The following MRM1 variants were observed in gnomAD, a reference collection of about 807,000 sequenced individuals.
MRM1 encodes mitochondrial rRNA methyltransferase 1.
In MRM1, 24 loss-of-function variants were observed where a neutral mutation model predicts 25.0. That is an observed-to-expected ratio of 0.96 (90% CI 0.69 to 1.35). The LOEUF is 1.35. Ranked by LOEUF, MRM1 falls within the 40% of genes most tolerant of loss-of-function variation. The probability of loss-of-function intolerance (pLI) is 0.00; values close to 1 mark genes in which losing one functional copy is unlikely to be tolerated. For synonymous variants in MRM1, 188 were observed against 199.2 expected (o/e 0.94, Z 0.47); for missense variants, 431 against 464.1 (o/e 0.93, Z 0.65).
chr17:36,628,935 G>A, the MRM1 span, among the ~76,000 whole-genome samples: 2 of 151,936 alleles, frequency 1.3e-5, no homozygotes, highest in African/African-American at 2.4e-5. Context: ...GAGAGAGAGA[G>A]GAGAGTGAGT....
At chr17:36,634,131 G>C in the MRM1 span, 20,208 of 152,160 alleles carry the variant, frequency 0.13, 1,547 homozygotes, top group East Asian at 0.39. Flanking sequence ...CATCCTCCAT[G>C]GAGAATCTTC....
chr17:36,620,895 G>A, the MRM1 span, among the ~76,000 whole-genome samples: 1 of 152,324 alleles, frequency 6.6e-6, no homozygotes, highest in South Asian at 2.1e-4. Flanking sequence ...AGACTAAGAT[G>A]TGCCTCCATC....
chr17:36,633,682 G>A, the MRM1 span, among the ~76,000 whole-genome samples: 1 of 152,126 alleles, frequency 6.6e-6, no homozygotes, highest in African/African-American at 2.4e-5. Context: ...GAGGGAGGAG[G>A]CGTAGGCAGC....
At chr17:36,605,153 A>AG (rs1555611916) in intron 2 of MRM1, among the ~76,000 whole-genome samples, 8 of 145,206 alleles carry the variant, frequency 5.5e-5, no homozygotes, top group East Asian at 2.0e-4. Context: ...AAAAAAAAAA[A>AG]AGAGAGAGAG....
At chr17:36,617,577 G>A in the MRM1 span, among the ~76,000 whole-genome samples, 2 of 152,024 alleles carry the variant, frequency 1.3e-5, no homozygotes, top group African/African-American at 2.4e-5. Flanking sequence ...TGTATTTTGA[G>A]TAGAGGCGGG....
rs143627095 is a variant in MRM1 at position 36,608,371 on chromosome 17, G to A, written c.1018G>A (p.Gly340Arg). 2.8e-4 allele frequency: 456 copies of A among 1,600,700 alleles called. 1 individual carries two copies. Among genetic ancestry groups the A allele is most frequent in the Non-Finnish European group, 3.6e-4 (425 of 1,173,862 alleles). ...SEGLSMAQHP[G>R]LSSGPEKERQ... is the part of the protein sequence containing the mutation. ...AGGGCTCAGCATGGCTCAGCACCCA[G>A]GGCTGTCTTCAGGCCCAGAGAAAGA... The change falls in exon 5 of 5, where the codon GGG becomes AGG. Residue 340 changes from glycine (G) to arginine (R), a missense_variant. Physicochemically the swap from Gly to Arg is moderately radical, Grantham distance 125 (BLOSUM62 -2). Transcript: ENST00000614766.
At position 36,601,688 on chromosome 17, in the gene MRM1, C is replaced by A; in HGVS notation, c.-123C>A. 2 of 1,063,754 alleles carry A rather than the reference C, an allele frequency of 1.9e-6. No homozygotes were observed. The highest frequency in any genetic ancestry group is 1.7e-5 in the South Asian group (1 of 57,956). 65.9% of individuals were successfully genotyped at this position (1,063,754 alleles called of 1,614,324 possible). ...CTGTTTGTTCCTGTCCGAGAGAGCT[C>A]GGCGGAGACGGCTGTCGAGTACCCT... On this transcript the variant is annotated 5_prime_UTR_variant, in exon 1 of 5. Transcript: ENST00000614766.
chr17:36,602,562 C>A lies in MRM1; in HGVS notation c.552C>A (p.Leu184=), dbSNP rs1250183906. 4 of 1,614,158 alleles carry A rather than the reference C, an allele frequency of 2.5e-6. No individual in the cohort carries two copies. Among genetic ancestry groups the A allele is most frequent in the Non-Finnish European group, 3.4e-6 (4 of 1,180,020 alleles). Residue 184 remains leucine, a synonymous_variant, in exon 2 of 5, where the codon CTC becomes CTA. Transcript: ENST00000614766. This position sits in a 1 kb window ranked among gnomAD's most constrained non-coding sequence, Gnocchi z 4.1. The stretch of plus-strand genomic sequence containing the variant: ...CGGGGAAACCTTGCAGCTGCCCGCT[C>A]ACTCCAGTAGTCAGCAAGTCCAGCG... The part of the protein sequence containing the change: ...VITSRRNSCP[L]TPVVSKSSAG...
At chr17:36,615,383 G>A in the MRM1 span, among the ~76,000 whole-genome samples, 1 of 152,110 alleles carries the variant, frequency 6.6e-6, no homozygotes, top group African/African-American at 2.4e-5. Context: ...ATGGGCTGGC[G>A]GGCGCGGTGG....
chr17:36,606,414 A>T (rs1164902447), intron 2 of MRM1, among the ~76,000 whole-genome samples: 3 of 140,554 alleles, frequency 2.1e-5, no homozygotes, highest in African/African-American at 5.3e-5. Flanking sequence ...CTGATGGATA[A>T]TTTTTTTTTT....
chr17:36,624,213 C>T, the MRM1 span, among the ~76,000 whole-genome samples: 2 of 152,174 alleles, frequency 1.3e-5, no homozygotes, highest in African/African-American at 4.8e-5. This position sits in a 1 kb window ranked among gnomAD's most constrained non-coding sequence, Gnocchi z 4.0. Context: ...GACCTGCTGC[C>T]CTTGTCACCC....
At chr17:36,623,968 C>T in the MRM1 span, among the ~76,000 whole-genome samples, 1 of 152,214 alleles carries the variant, frequency 6.6e-6, no homozygotes, top group Non-Finnish European at 1.5e-5. Flanking sequence ...TTCCGTCCCT[C>T]TCCCCTCCCA....
downstream of MRM1, among the ~76,000 whole-genome samples, chr17:36,612,505 A>T (rs768509902): frequency 6.6e-6 from 1 of 152,114 alleles, no homozygotes; most frequent in Non-Finnish European, 1.5e-5. Context: ...ACTGCTCAGC[A>T]AGTGTGGGTT....
chr17:36,619,844 C>A, the MRM1 span, among the ~76,000 whole-genome samples: 1 of 152,158 alleles, frequency 6.6e-6, no homozygotes. Flanking sequence ...TTCTCCACAT[C>A]CTCAATAAGA....
At chr17:36,629,234 C>T in the MRM1 span, among the ~76,000 whole-genome samples, 1 of 152,228 alleles carries the variant, frequency 6.6e-6, no homozygotes, top group South Asian at 2.1e-4. Context: ...TGTCATCCTA[C>T]ATTCTCACAC....
the MRM1 span, among the ~76,000 whole-genome samples, chr17:36,626,468 TTC>T: frequency 6.6e-6 from 1 of 152,150 alleles, no homozygotes; most frequent in African/African-American, 2.4e-5. Flanking sequence ...GTTCAGGTGA[TTC>T]TCTTGCCTCA....
intron 2 of MRM1, among the ~76,000 whole-genome samples, chr17:36,606,379 G>A (rs1322342267): frequency 6.6e-6 from 1 of 151,660 alleles, no homozygotes. Context: ...TATGGGCAAG[G>A]CTGGGCTCTT....
At chr17:36,616,016 A>G in the MRM1 span, among the ~76,000 whole-genome samples, 5 of 145,938 alleles carry the variant, frequency 3.4e-5, no homozygotes, top group South Asian at 6.5e-4. Context: ...CAACAACAAC[A>G]ACGACAACAA....
At chr17:36,630,517 C>T in the MRM1 span, among the ~76,000 whole-genome samples, 1 of 152,180 alleles carries the variant, frequency 6.6e-6, no homozygotes, top group Admixed American at 6.5e-5. Context: ...GTGGGCTTTT[C>T]AGGGGACCTC....
Sources: allele counts gnomAD v4.1 joint callset (sites outside exome capture counted in the v4.1 genomes callset), GRCh38; gene constraint gnomAD v4.1.1; non-coding constraint Gnocchi (gnomAD v3.1); transcripts MANE v1.5; gene names NCBI Gene and HGNC (gene_info 2026-07-23, HGNC 2026-07-21).